Variants in CFAP58 observed in about 807,000 individuals in gnomAD.
The protein encoded by CFAP58 is cilia- and flagella-associated protein 58.
CFAP58 carries 88 observed loss-of-function variants against 119.5 expected under a neutral mutation model. The observed-to-expected ratio is 0.74, with a 90% CI of 0.62 to 0.88. The LOEUF (loss-of-function observed/expected upper bound fraction) is 0.88, where lower values mean the gene tolerates loss of function less well. CFAP58 is among the 40% of genes least tolerant of loss of function. The probability of loss-of-function intolerance (pLI) is 0.00; values close to 1 mark genes in which losing one functional copy is unlikely to be tolerated. For synonymous variants in CFAP58, 365 were observed against 366.3 expected, an observed-to-expected ratio of 1.00 and a Z score of 0.04; for missense variants, 990 against 1,021.2, an observed-to-expected ratio of 0.97 and a Z score of 0.42.
chr10:104,422,201 A>G (rs2012670926), intron 15 of CFAP58, among the ~76,000 whole-genome samples: 1 of 152,208 alleles, frequency 6.6e-6, no homozygotes, highest in Non-Finnish European at 1.5e-5. Flanking sequence ...AAAATAAAAT[A>G]AAATAAAAAT....
chr10:104,361,537 T>C (rs973760455), intron 2 of CFAP58, among the ~76,000 whole-genome samples: 2 of 152,244 alleles, frequency 1.3e-5, no homozygotes, highest in Non-Finnish European at 2.9e-5. Context: ...ATTTCTCATG[T>C]GATAAAACTT....
intron 15 of CFAP58, among the ~76,000 whole-genome samples, chr10:104,437,976 T>A (rs550027077): frequency 6.6e-6 from 1 of 152,092 alleles, no homozygotes; most frequent in African/African-American, 2.4e-5. Flanking sequence ...TAAAAAAAAA[T>A]ACTATATGTG....
At chr10:104,375,328 G>T (rs1202469307) in intron 7 of CFAP58, among the ~76,000 whole-genome samples, 1 of 151,834 alleles carries the variant, frequency 6.6e-6, no homozygotes, top group African/African-American at 2.4e-5. Context: ...ATACTAAGTA[G>T]ATTCTGGTTG....
intron 11 of CFAP58, among the ~76,000 whole-genome samples, chr10:104,394,731 C>A (rs2133035199): frequency 6.6e-6 from 1 of 152,286 alleles, no homozygotes; most frequent in African/African-American, 2.4e-5. Flanking sequence ...ATAGAAGATT[C>A]TGCATTGTTT....
chr10:104,399,219 T>C (rs2012217069), intron 11 of CFAP58, 141 bp from the exon 12 acceptor site: 1 of 764,536 alleles, frequency 1.3e-6, no homozygotes, highest in Non-Finnish European at 2.1e-6. Flanking sequence ...TTGTTTTGCT[T>C]GTGAGAGTGA....
Position 104,438,361 on chromosome 10 carries a change from GTTTTTTTT to G in CFAP58, c.2257-9332_2257-9325del, listed in dbSNP as rs1335704197. On this transcript the variant is annotated intron_variant, in intron 15 of 17. Coordinates refer to ENST00000369704, the MANE Select transcript of CFAP58 (RefSeq NM_001008723.2). ...TTTTTGTTTTTTGTTTTTTTTTTTT[GTTTTTTTT>G]TTTTGTTTTTTTTTTTTGAGACGGA... Among the ~76,000 whole-genome samples the G allele has an allele frequency of 1.8e-3, 107 of 59,306 alleles. 1 individual carries two copies. Among genetic ancestry groups the G allele is most frequent in the Non-Finnish European group, 3.3e-3 (92 of 27,490 alleles). 38.9% of individuals were successfully genotyped at this position (59,306 alleles called of 152,430 possible).
chr10:104,373,885 A>T (rs1410325616), intron 7 of CFAP58, among the ~76,000 whole-genome samples: 1 of 152,168 alleles, frequency 6.6e-6, no homozygotes, highest in Non-Finnish European at 1.5e-5. Flanking sequence ...TCAATGAAAG[A>T]GATTGGAAAG....
chr10:104,448,796 T>C (rs1343440408), intron 16 of CFAP58, among the ~76,000 whole-genome samples: 2 of 152,244 alleles, frequency 1.3e-5, no homozygotes, highest in Non-Finnish European at 2.9e-5. Flanking sequence ...GAATTTTGCA[T>C]AGGACGTAAT....
intron 15 of CFAP58, among the ~76,000 whole-genome samples, chr10:104,408,471 G>A (rs2012401752): frequency 6.6e-6 from 1 of 152,114 alleles, no homozygotes; most frequent in South Asian, 2.1e-4. Context: ...ACTGATGCTG[G>A]CCACAAGTCA....
At chr10:104,342,868 A>AAAAAAAT in the CFAP58 span, among the ~76,000 whole-genome samples, 1 of 149,570 alleles carries the variant, frequency 6.7e-6, no homozygotes, top group African/African-American at 2.5e-5. Context: ...AAAAAAAAAA[A>AAAAAAAT]GTGACTTGTG....
chr10:104,374,250 G>A (rs1038635987), intron 7 of CFAP58, among the ~76,000 whole-genome samples: 1 of 151,246 alleles, frequency 6.6e-6, no homozygotes, highest in African/African-American at 2.4e-5. Flanking sequence ...GCTTGAGCCC[G>A]GGAGTCTGAG....
At chr10:104,375,148 T>C (rs2014875122) in intron 7 of CFAP58, among the ~76,000 whole-genome samples, 1 of 151,292 alleles carries the variant, frequency 6.6e-6, no homozygotes, top group South Asian at 2.1e-4. Flanking sequence ...ATTTTCTGTA[T>C]TCTGTATTCT....
At chr10:104,398,662 A>AT (rs1384674878) in intron 11 of CFAP58, among the ~76,000 whole-genome samples, 3 of 152,116 alleles carry the variant, frequency 2.0e-5, no homozygotes, top group Non-Finnish European at 4.4e-5. Flanking sequence ...TCTAATGATG[A>AT]TTTTTTCTTT....
intron 15 of CFAP58, among the ~76,000 whole-genome samples, chr10:104,410,369 T>TAG (rs2012441156): frequency 6.6e-6 from 1 of 152,228 alleles, no homozygotes; most frequent in Admixed American, 6.5e-5. Flanking sequence ...TATCTCCAAT[T>TAG]CCTTACTTCT....
At chr10:104,403,359 C>A (rs369133967) in intron 13 of CFAP58, among the ~76,000 whole-genome samples, 13 of 152,176 alleles carry the variant, frequency 8.5e-5, no homozygotes, top group Admixed American at 7.9e-4. Flanking sequence ...GTCCATTAAA[C>A]CTCTTTCCTT....
At chr10:104,418,501 T>A (rs1469983713) in intron 15 of CFAP58, among the ~76,000 whole-genome samples, 3 of 152,146 alleles carry the variant, frequency 2.0e-5, no homozygotes, top group Non-Finnish European at 2.9e-5. Context: ...TGAGCCAAGA[T>A]AGAGCCACTG....
chr10:104,420,575 T>A (rs2012639134), intron 15 of CFAP58, among the ~76,000 whole-genome samples: 1 of 152,136 alleles, frequency 6.6e-6, no homozygotes, highest in African/African-American at 2.4e-5. Context: ...AATCTGTATA[T>A]CAAACTTCTA....
the CFAP58 span, among the ~76,000 whole-genome samples, chr10:104,341,852 A>T: frequency 6.6e-6 from 1 of 152,246 alleles, no homozygotes; most frequent in African/African-American, 2.4e-5. Flanking sequence ...TGGTAAAAAC[A>T]AAGGGTAAAG....
intron 15 of CFAP58, among the ~76,000 whole-genome samples, chr10:104,427,476 C>A (rs1259775831): frequency 6.6e-6 from 1 of 152,122 alleles, no homozygotes; most frequent in Non-Finnish European, 1.5e-5. Context: ...GGTCTTCCAA[C>A]AACTCTGTGA....
Sources: allele counts gnomAD v4.1 joint callset (sites outside exome capture counted in the v4.1 genomes callset), GRCh38; gene constraint gnomAD v4.1.1; transcripts MANE v1.5; gene names NCBI Gene and HGNC (gene_info 2026-07-23, HGNC 2026-07-21).